Variants in MED13L observed in about 807,000 individuals in gnomAD.
The protein encoded by MED13L is mediator of RNA polymerase II transcription subunit 13-like.
In MED13L, 7 loss-of-function variants were observed where a neutral mutation model predicts 220.9. The observed-to-expected ratio is 0.03, with a 90% CI of 0.02 to 0.06. The LOEUF is 0.06. MED13L is among the 10% of genes least tolerant of loss of function. MED13L has a pLI of 1.00. For synonymous variants in MED13L, 1,011 were observed against 1,015.2 expected, an observed-to-expected ratio of 1.00 and a Z score of 0.08; for missense variants, 1,965 against 2,760.5, an observed-to-expected ratio of 0.71 and a Z score of 6.46.
chr12:116,252,366 C>T (rs1386266293), intron 1 of MED13L, among the ~76,000 whole-genome samples: 1 of 151,912 alleles, frequency 6.6e-6, no homozygotes, highest in Non-Finnish European at 1.5e-5. Flanking sequence ...CATGACAAAA[C>T]TTTGTCTCTA....
chr12:116,064,248 C>A (rs1474399685), intron 4 of MED13L, among the ~76,000 whole-genome samples: 1 of 151,880 alleles, frequency 6.6e-6, no homozygotes, highest in African/African-American at 2.4e-5. Context: ...TTCAAATCAT[C>A]TCTAAATTAC....
intron 25 of MED13L, among the ~76,000 whole-genome samples, chr12:115,973,875 A>T (rs1042591954): frequency 1.3e-5 from 2 of 152,200 alleles, no homozygotes; most frequent in African/African-American, 2.4e-5. Context: ...CTTAATACAT[A>T]TGATGTAATA....
chr12:116,120,432 ATCTCTCTTTCTCTC>A (rs1355973685), intron 2 of MED13L, among the ~76,000 whole-genome samples: 19 of 96,350 alleles, frequency 2.0e-4, no homozygotes, highest in Non-Finnish European at 3.8e-4. Context: ...TCTTTAAATA[ATCTCTCTTTCTCTC>A]TCTCTCTCTC....
At chr12:116,104,106 G>A (rs1177959043) in intron 3 of MED13L, among the ~76,000 whole-genome samples, 1 of 140,762 alleles carries the variant, frequency 7.1e-6, no homozygotes, top group Non-Finnish European at 1.5e-5. Context: ...CGCCTCCCAG[G>A]TTCAAGTGAT....
chr12:116,263,181 A>C (rs1476435802), intron 1 of MED13L, among the ~76,000 whole-genome samples: 1 of 152,184 alleles, frequency 6.6e-6, no homozygotes, highest in Non-Finnish European at 1.5e-5. Context: ...AATAACTATT[A>C]TGTAGCTAAA....
chr12:116,042,896 G>C (rs1348400461), intron 4 of MED13L, among the ~76,000 whole-genome samples: 3 of 152,142 alleles, frequency 2.0e-5, no homozygotes, highest in Non-Finnish European at 4.4e-5. Context: ...CCATTACACT[G>C]TTTACCCTCA....
intron 2 of MED13L, among the ~76,000 whole-genome samples, chr12:116,162,819 C>G (rs1593117022): frequency 6.6e-6 from 1 of 152,044 alleles, no homozygotes; most frequent in Non-Finnish European, 1.5e-5. Context: ...TTCTCTTTTA[C>G]TACGTCTTAA....
intron 4 of MED13L, among the ~76,000 whole-genome samples, chr12:116,078,037 G>A (rs1050492698): frequency 6.6e-6 from 1 of 151,470 alleles, no homozygotes; most frequent in African/African-American, 2.4e-5. Context: ...CCAGCTACTC[G>A]GGAGGCTGAG....
At chr12:116,255,919 G>A (rs1161705124) in intron 1 of MED13L, among the ~76,000 whole-genome samples, 1 of 152,166 alleles carries the variant, frequency 6.6e-6, no homozygotes, top group African/African-American at 2.4e-5. Context: ...TTTCAGAGTA[G>A]GGACGCTCAG....
intron 1 of MED13L, among the ~76,000 whole-genome samples, chr12:116,255,467 G>A (rs1220913384): frequency 2.0e-5 from 3 of 152,096 alleles, no homozygotes; most frequent in Admixed American, 2.0e-4. Flanking sequence ...TCCTGCTTTG[G>A]GATGGCAAAG....
intron 26 of MED13L, among the ~76,000 whole-genome samples, chr12:115,971,422 A>G (rs938430209): frequency 7.2e-5 from 11 of 152,242 alleles, no homozygotes; most frequent in Non-Finnish European, 2.9e-5. Flanking sequence ...TTTATAAGGA[A>G]TAAGTGGGGA....
In MED13L at chr12:115,976,680, G is replaced by A. The variant is rs117272592; in HGVS notation, c.5365-942C>T. ...AATTTTAAAAATCAAATCAACAGTTGTTACCAAATATAAATATTTTAGATC... is the reference window on the plus strand; with the variant it reads ...AATTTTAAAAATCAAATCAACAGTTATTACCAAATATAAATATTTTAGATC... On this transcript the variant is annotated intron_variant, in intron 23 of 30. Transcript: ENST00000281928. Among the ~76,000 whole-genome samples the A allele has an allele frequency of 7.2e-3, 1,094 of 152,212 alleles. 12 individuals carry two copies. Among genetic ancestry groups the A allele is most frequent in the Non-Finnish European group, 0.013 (863 of 68,020 alleles).
intron 1 of MED13L, among the ~76,000 whole-genome samples, chr12:116,238,622 C>A (rs1234714560): frequency 6.6e-6 from 1 of 152,228 alleles, no homozygotes; most frequent in Non-Finnish European, 1.5e-5. Context: ...TCCTTCCCCA[C>A]AAGGTCAGTT....
intron 4 of MED13L, among the ~76,000 whole-genome samples, chr12:116,076,496 T>C (rs1035474189): frequency 2.6e-5 from 4 of 152,124 alleles, no homozygotes; most frequent in African/African-American, 9.7e-5. Context: ...ATCATCACAC[T>C]ATTGCACTCC....
rs148297167 is a variant in MED13L at position 116,071,987 on chromosome 12, G to C, written c.479+24682C>G. Among the ~76,000 whole-genome samples the C allele has an allele frequency of 1.7e-4, 26 of 152,336 alleles. 1 individual carries two copies. The East Asian group carries it at 4.6e-3, about 27-fold the overall frequency. On this transcript the variant is annotated intron_variant, in intron 4 of 30. Transcript: ENST00000281928. ...CAGAAGTTGTCATCTGATTTGAAAT[G>C]CATGGGATTAGATTTTTATTCACAT... is the stretch of plus-strand genomic sequence containing the variant.
intron 4 of MED13L, among the ~76,000 whole-genome samples, chr12:116,060,538 A>G (rs1258965688): frequency 6.6e-6 from 1 of 150,464 alleles, no homozygotes; most frequent in Non-Finnish European, 1.5e-5. Flanking sequence ...AGATCATGCC[A>G]CTGAACTCTC....
chr12:116,046,249 AAT>A (rs1225923863), intron 4 of MED13L, among the ~76,000 whole-genome samples: 1 of 152,218 alleles, frequency 6.6e-6, no homozygotes, highest in African/African-American at 2.4e-5. Context: ...GCTAATTTTG[AAT>A]AGTCAGTGTA....
intron 2 of MED13L, among the ~76,000 whole-genome samples, chr12:116,167,370 A>G (rs2138166026): frequency 6.6e-6 from 1 of 152,332 alleles, no homozygotes; most frequent in South Asian, 2.1e-4. Flanking sequence ...CAGTCTATTA[A>G]GTATACAATG....
At chr12:116,212,324 T>C (rs1052532644) in intron 2 of MED13L, among the ~76,000 whole-genome samples, 7 of 152,044 alleles carry the variant, frequency 4.6e-5, no homozygotes, top group Admixed American at 4.6e-4. Context: ...TTAAAAATGA[T>C]AATTAAGTTA....
Sources: allele counts gnomAD v4.1 joint callset (sites outside exome capture counted in the v4.1 genomes callset), GRCh38; gene constraint gnomAD v4.1.1; transcripts MANE v1.5; gene names NCBI Gene and HGNC (gene_info 2026-07-23, HGNC 2026-07-21).